Variants in RHCG observed in about 807,000 individuals in gnomAD.
The protein encoded by RHCG is Rh family C glycoprotein.
In RHCG, 39 loss-of-function variants were observed where a neutral mutation model predicts 55.3. That is an observed-to-expected ratio of 0.70 (90% CI 0.55 to 0.92). The LOEUF (loss-of-function observed/expected upper bound fraction) is 0.92. Ranked by LOEUF, RHCG falls within the 40% of genes least tolerant of loss-of-function variation. The probability of loss-of-function intolerance (pLI) is 0.00; values close to 1 mark genes in which losing one functional copy is unlikely to be tolerated. For synonymous variants in RHCG, 250 were observed against 246.8 expected (o/e 1.01, Z -0.12); for missense variants, 635 against 627.9 (o/e 1.01, Z -0.12).
chr15:89,486,311 A>G (rs1219548041), intron 2 of RHCG: 2 of 456,518 alleles, frequency 4.4e-6, no homozygotes, highest in East Asian at 7.0e-5. Flanking sequence ...TTCCTTCACA[A>G]GGAGCCTCTG....
At chr15:89,490,412 C>T (rs1225112298) in intron 1 of RHCG, among the ~76,000 whole-genome samples, 2 of 152,218 alleles carry the variant, frequency 1.3e-5, no homozygotes, top group African/African-American at 2.4e-5. Context: ...AATTTAGCAT[C>T]GGTGCTGAGT....
intron 9 of RHCG, 63 bp from the exon 10 acceptor site, chr15:89,472,926 A>T: frequency 7.2e-7 from 1 of 1,389,096 alleles, no homozygotes; most frequent in Admixed American, 3.2e-5. Context: ...GTCCCTGGTG[A>T]CTAGAACCTG....
chr15:89,481,139 G>A (rs1020602904), intron 3 of RHCG, among the ~76,000 whole-genome samples: 1 of 152,142 alleles, frequency 6.6e-6, no homozygotes, highest in African/African-American at 2.4e-5. Flanking sequence ...CTGAGCCTCA[G>A]CTTTCTCATC....
Position 89,486,599 on chromosome 15 carries a change from A to AGAGTGTGTGT in RHCG, c.371+199_371+200insACACACACTC. ...GAGAGAGAGAGAGAGAGAGAGAGAG[A>AGAGTGTGTGT]GTGTGTGTGTGTGTGTGTGTGTGTG... On this transcript the variant is annotated intron_variant, in intron 2 of 10. Transcript: ENST00000268122. The AGAGTGTGTGT allele has an allele frequency of 1.8e-3, 482 of 264,164 alleles. 2 individuals are homozygous for AGAGTGTGTGT. The highest frequency in any genetic ancestry group is 2.5e-3 in the Non-Finnish European group (348 of 139,336). 16.4% of individuals were successfully genotyped at this position (264,164 alleles called of 1,614,324 possible).
In RHCG at chr15:89,479,336, C is replaced by G. The variant is rs1325091839; in HGVS notation, c.823G>C (p.Gly275Arg). 6.2e-7 allele frequency: 1 copy of G among 1,613,738 alleles called. No homozygotes were observed. The highest frequency in any genetic ancestry group is 1.7e-5 in the Admixed American group (1 of 60,004). ...CTCATGCTCACCATGTCCAGCTTGCCCTTCTTGTGCAGGGCACTGGATATT... is the reference window on the plus strand; with the variant it reads ...CTCATGCTCACCATGTCCAGCTTGCGCTTCTTGTGCAGGGCACTGGATATT... ...VAISSALHKK[G>R]KLDMVHIQNA... Residue 275 changes from glycine to arginine, a missense_variant, in exon 5 of 11, where the codon GGC (glycine) becomes CGC (arginine). Transcript: ENST00000268122.
At chr15:89,486,145 T>A (rs1961354498) in intron 2 of RHCG, 1 of 410,570 alleles carries the variant, frequency 2.4e-6, no homozygotes, top group African/African-American at 2.0e-5. Flanking sequence ...GCTCCACCCG[T>A]GGAAGCTGAG....
At chr15:89,496,254 G>A (rs1330845022) in intron 1 of RHCG, 107 bp downstream of exon 1, 4 of 1,131,500 alleles carry the variant, frequency 3.5e-6, no homozygotes, top group Admixed American at 4.0e-5. Context: ...CGGAGTCCGC[G>A]GCTGCAGGGT....
In RHCG at chr15:89,476,736, C is replaced by A; in HGVS notation, c.1311+19G>T. On this transcript the variant is annotated intron_variant, in intron 9 of 10. Transcript: ENST00000268122. ...AACGCAGCTGCCCTCCTTCAGGGGGCCAAGTCCCTGGAACTCACCTCCCAG... is the reference window on the plus strand; with the variant it reads ...AACGCAGCTGCCCTCCTTCAGGGGGACAAGTCCCTGGAACTCACCTCCCAG... 1 of 1,611,106 alleles carries A rather than the reference C, an allele frequency of 6.2e-7. No individual in the cohort carries two copies. Among genetic ancestry groups the A allele is most frequent in the Non-Finnish European group, 8.5e-7 (1 of 1,177,370 alleles).
At chr15:89,481,324 C>T (rs62020826) in intron 3 of RHCG, among the ~76,000 whole-genome samples, 26,147 of 151,954 alleles carry the variant, frequency 0.17, 2,484 homozygotes, top group South Asian at 0.24. Context: ...GTGGTGTGCA[C>T]CTGTAATTCC....
intron 4 of RHCG, 120 bp from the exon 5 acceptor site, chr15:89,479,608 C>T (rs1961228050): frequency 1.1e-6 from 1 of 887,678 alleles, no homozygotes; most frequent in Admixed American, 2.9e-5. Flanking sequence ...GCTGTTTCCA[C>T]CTCTGCAGCT....
chr15:89,477,388 T>A lies in RHCG; in HGVS notation c.1112+129A>T, dbSNP rs1961171527. On this transcript the variant is annotated intron_variant, in intron 7 of 10. Coordinates refer to ENST00000268122, the MANE Select transcript of RHCG (RefSeq NM_016321.3). This position sits in a 1 kb window ranked among gnomAD's most constrained non-coding sequence, Gnocchi z 4.5. ...GACAGAGTTTGGGGAGAGAGACCCA[T>A]GAAACAATTGGTCCAGAGTGGGGAA... 7.0e-7 allele frequency: 1 copy of A among 1,423,262 alleles called. No individual in the cohort carries two copies. The highest frequency in any genetic ancestry group is 9.5e-7 in the Non-Finnish European group (1 of 1,048,298). 88.2% of individuals were successfully genotyped at this position (1,423,262 alleles called of 1,614,324 possible).
At chr15:89,495,720 C>A (rs1049531213) in intron 1 of RHCG, among the ~76,000 whole-genome samples, 2 of 152,224 alleles carry the variant, frequency 1.3e-5, no homozygotes, top group Admixed American at 6.5e-5. Context: ...GAGGTCCTAC[C>A]ATTATCTTCA....
intron 5 of RHCG, among the ~76,000 whole-genome samples, chr15:89,478,411 G>T (rs919248002): frequency 2.0e-5 from 3 of 152,208 alleles, no homozygotes; most frequent in Non-Finnish European, 2.9e-5. Context: ...ACCTGTACCA[G>T]GTACCGTGCT....
chr15:89,496,575 G>T lies in RHCG; in HGVS notation c.-31C>A, dbSNP rs929672581. Reference sequence around the variant, plus strand: ...AGGGGTGCCTGGCCGGGCTGGCAGCGGGCGGTTCGGACGCTCGGAGGCCGG... The same window carrying T: ...AGGGGTGCCTGGCCGGGCTGGCAGCTGGCGGTTCGGACGCTCGGAGGCCGG... On this transcript the variant is annotated 5_prime_UTR_variant, in exon 1 of 11. Coordinates refer to ENST00000268122, the MANE Select transcript of RHCG (RefSeq NM_016321.3). The T allele has an allele frequency of 6.3e-7, 1 of 1,595,462 alleles. No homozygotes were observed. Among genetic ancestry groups the T allele is most frequent in the Non-Finnish European group, 8.5e-7 (1 of 1,172,118 alleles).
At chr15:89,481,692 C>T (rs1184361402) in intron 3 of RHCG, among the ~76,000 whole-genome samples, 1 of 152,102 alleles carries the variant, frequency 6.6e-6, no homozygotes, top group African/African-American at 2.4e-5. Flanking sequence ...ACAGGAAGTG[C>T]CTTATAACAA....
Position 89,477,498 on chromosome 15 carries a change from G to T in RHCG, c.1112+19C>A. 6.2e-7 allele frequency: 1 copy of T among 1,613,038 alleles called. No individual in the cohort carries two copies. ...AGGAAGGGGGAAGCTCCATCCCACC[G>T]CACCTCCTCCACATTTACCCTTCTT... On this transcript the variant is annotated intron_variant, in intron 7 of 10. Transcript: ENST00000268122. This position sits in a 1 kb window ranked among gnomAD's most constrained non-coding sequence, Gnocchi z 4.5.
In RHCG at chr15:89,475,971, G is replaced by A. The variant is rs1033115665; in HGVS notation, c.1311+784C>T. On this transcript the variant is annotated intron_variant, in intron 9 of 10. Transcript: ENST00000268122. ...TTGTTTTGGAATCAGGATGTCTGAG[G>A]AACTTAAGACTTTGCATTTCTCTCT... 5.9e-5 allele frequency among the ~76,000 whole-genome samples: 9 copies of A among 151,856 alleles called. No individual in the cohort carries two copies. In the East Asian group the frequency reaches 1.5e-3, roughly 26 times the overall value.
chr15:89,474,836 GCCTT>G (rs1272422649), intron 9 of RHCG, among the ~76,000 whole-genome samples: 1 of 84,638 alleles, frequency 1.2e-5, no homozygotes. Flanking sequence ...CTTCCTGCCT[GCCTT>G]CCTTCCTGCC....
intron 2 of RHCG, chr15:89,486,562 G>GAC (rs1407958396): frequency 1.9e-6 from 1 of 516,722 alleles, no homozygotes. Context: ...GAGAGAGAGA[G>GAC]ACAGAGAGAG....
Sources: gnomAD v4.1 joint callset for allele counts (sites outside exome capture counted in the v4.1 genomes callset) on GRCh38, gnomAD v4.1.1 for gene constraint, Gnocchi (gnomAD v3.1) non-coding constraint, MANE v1.5 for transcripts, NCBI Gene and HGNC (gene_info 2026-07-23, HGNC 2026-07-21) for gene names.